OSBPL10: variants seen among roughly 807,000 people sequenced by gnomAD.
The protein encoded by OSBPL10 is oxysterol-binding protein-related protein 10.
A neutral mutation model predicts 81.7 loss-of-function variants in OSBPL10; 49 were observed. The ratio of observed to expected loss-of-function variants is 0.60; its 90% CI spans 0.48 to 0.76. The LOEUF is 0.76. OSBPL10 is among the 30% of genes least tolerant of loss of function. OSBPL10 has a pLI of 0.00. For synonymous variants in OSBPL10, 419 were observed against 383.6 expected (o/e 1.09, Z -1.08); for missense variants, 923 against 987.8 (o/e 0.93, Z 0.88).
intron 2 of OSBPL10, among the ~76,000 whole-genome samples, chr3:32,007,613 C>T (rs1012051319): frequency 3.9e-5 from 6 of 152,120 alleles, no homozygotes; most frequent in Non-Finnish European, 7.4e-5. Flanking sequence ...GTCAAAGTTC[C>T]CTCTGCCTCT....
rs1695498663 is a variant in OSBPL10, at chr3:31,879,697, G to A, written c.415C>T (p.Leu139=). ...VSLSDEAPHM[L]VVYSANGEMF... ...TCTCCATTAGCAGAGTACACCACCA[G>A]CATGTGGGGAGCTTCATCGCTCAGG... Residue 139 remains leucine (L), a synonymous_variant, in exon 2 of 12, where the codon CTG becomes TTG. Coordinates refer to ENST00000396556, the MANE Select transcript of OSBPL10 (RefSeq NM_017784.5). The A allele has an allele frequency of 5.0e-6, 8 of 1,614,074 alleles. No individual in the cohort carries two copies. The East Asian group carries it at 1.8e-4, about 36-fold the overall frequency.
At chr3:31,709,151 A>C in intron 6 of OSBPL10, 1 of 531,412 alleles carries the variant, frequency 1.9e-6, no homozygotes, top group Non-Finnish European at 2.4e-6. Context: ...GCATGTCCAC[A>C]CAGCAAGCTA....
intron 1 of OSBPL10, chr3:31,960,134 AT>A (rs1399038836): frequency 6.6e-6 from 1 of 152,192 alleles, no homozygotes; most frequent in Non-Finnish European, 1.5e-5. Flanking sequence ...TGCTTAAGAA[AT>A]TACGTACCGA....
intron 1 of OSBPL10, among the ~76,000 whole-genome samples, chr3:31,970,963 G>C (rs745453543): frequency 3.9e-5 from 6 of 152,128 alleles, no homozygotes; most frequent in African/African-American, 1.2e-4. Flanking sequence ...TTGTCTGCAT[G>C]ATGAACTCTT....
At chr3:31,808,983 A>G (rs1285213234) in intron 4 of OSBPL10, among the ~76,000 whole-genome samples, 3 of 152,236 alleles carry the variant, frequency 2.0e-5, no homozygotes, top group Non-Finnish European at 4.4e-5. Context: ...GTAATATATA[A>G]ACACATACAT....
At chr3:31,758,823 TA>T (rs763302461) in intron 4 of OSBPL10, among the ~76,000 whole-genome samples, 3 of 152,232 alleles carry the variant, frequency 2.0e-5, no homozygotes, top group Non-Finnish European at 2.9e-5. Flanking sequence ...CTTGAATATG[TA>T]TATTTGGCCA....
At chr3:31,767,130 T>G (rs1429340026) in intron 4 of OSBPL10, among the ~76,000 whole-genome samples, 2 of 152,232 alleles carry the variant, frequency 1.3e-5, no homozygotes, top group Non-Finnish European at 2.9e-5. Flanking sequence ...TTCATTAACT[T>G]TGTGGAAATT....
chr3:32,069,839 G>A (rs73823839), intron 1 of OSBPL10, among the ~76,000 whole-genome samples: 69 of 152,260 alleles, frequency 4.5e-4, no homozygotes, highest in African/African-American at 1.5e-3. Flanking sequence ...TAGCTCCCAG[G>A]GGCTCCTTCA....
At chr3:32,071,254 AAAC>A (rs1301754266) in intron 1 of OSBPL10, among the ~76,000 whole-genome samples, 2 of 152,120 alleles carry the variant, frequency 1.3e-5, no homozygotes, top group African/African-American at 4.8e-5. Flanking sequence ...TCCTTCTATA[AAAC>A]AACAACTCCT....
At chr3:31,909,546 C>G (rs1241217231) in intron 1 of OSBPL10, among the ~76,000 whole-genome samples, 1 of 151,978 alleles carries the variant, frequency 6.6e-6, no homozygotes, top group Non-Finnish European at 1.5e-5. Flanking sequence ...GAACTTCTCA[C>G]TAAATTGCCA....
At chr3:31,867,638 G>A (rs1227024707) in intron 3 of OSBPL10, among the ~76,000 whole-genome samples, 1 of 152,132 alleles carries the variant, frequency 6.6e-6, no homozygotes, top group Non-Finnish European at 1.5e-5. Flanking sequence ...AGCTACTCAG[G>A]AGGCTGAGGC....
chr3:31,984,891 T>C (rs369304527), upstream of OSBPL10, among the ~76,000 whole-genome samples: 6 of 152,346 alleles, frequency 3.9e-5, no homozygotes, highest in Non-Finnish European at 8.8e-5. Flanking sequence ...GAATCAGCTA[T>C]GTCGAATTTT....
At chr3:31,790,250 T>C (rs1698976559) in intron 4 of OSBPL10, among the ~76,000 whole-genome samples, 1 of 152,198 alleles carries the variant, frequency 6.6e-6, no homozygotes, top group Non-Finnish European at 1.5e-5. Flanking sequence ...AATATGGTAA[T>C]ACTCTGTTGG....
chr3:31,871,459 C>G (rs1701324482), intron 3 of OSBPL10, among the ~76,000 whole-genome samples: 1 of 152,216 alleles, frequency 6.6e-6, no homozygotes, highest in African/African-American at 2.4e-5. Context: ...GTAACACTCA[C>G]CGCAAGGGTC....
chr3:31,834,676 G>C (rs1700325736), intron 3 of OSBPL10, among the ~76,000 whole-genome samples: 1 of 152,158 alleles, frequency 6.6e-6, no homozygotes, highest in Non-Finnish European at 1.5e-5. Context: ...AAAAGGAGAG[G>C]AATCACTAGA....
At chr3:31,810,254 T>C (rs967695855) in intron 4 of OSBPL10, among the ~76,000 whole-genome samples, 2 of 152,216 alleles carry the variant, frequency 1.3e-5, no homozygotes. Flanking sequence ...CTAGAACTGG[T>C]TTGTGGTAAT....
intron 5 of OSBPL10, among the ~76,000 whole-genome samples, chr3:31,734,494 T>C (rs1405370460): frequency 6.6e-6 from 1 of 152,110 alleles, no homozygotes; most frequent in Non-Finnish European, 1.5e-5. Context: ...TCCCAGCACT[T>C]TGGGAGGCTG....
At chr3:31,859,917 C>T (rs1701018189) in intron 3 of OSBPL10, among the ~76,000 whole-genome samples, 1 of 152,130 alleles carries the variant, frequency 6.6e-6, no homozygotes, top group Non-Finnish European at 1.5e-5. Flanking sequence ...TCAGACTGGC[C>T]CTTGAGGCCT....
intron 2 of OSBPL10, among the ~76,000 whole-genome samples, chr3:31,987,912 A>T (rs966449621): frequency 6.6e-6 from 1 of 152,248 alleles, no homozygotes; most frequent in South Asian, 2.1e-4. Flanking sequence ...ATAGGAAAAA[A>T]TACTTATGAA....
Sources: allele counts gnomAD v4.1 joint callset (sites outside exome capture counted in the v4.1 genomes callset), GRCh38; gene constraint gnomAD v4.1.1; transcripts MANE v1.5; gene names NCBI Gene and HGNC (gene_info 2026-07-23, HGNC 2026-07-21).